ARHGEF1: variants seen among roughly 807,000 people sequenced by gnomAD.
ARHGEF1 encodes Rho guanine nucleotide exchange factor 1, also known as 115 kDa guanine nucleotide exchange factor.
Under a neutral mutation model 119.7 loss-of-function variants are expected in ARHGEF1, and 40 were observed. That is an observed-to-expected ratio of 0.33 (90% CI 0.26 to 0.44). The LOEUF is 0.44. Ranked by LOEUF, ARHGEF1 falls within the 20% of genes least tolerant of loss-of-function variation. The pLI is 1.00. For synonymous variants in ARHGEF1, 494 were observed against 521.0 expected, an observed-to-expected ratio of 0.95 and a Z score of 0.71; for missense variants, 976 against 1,268.3, an observed-to-expected ratio of 0.77 and a Z score of 3.50.
In ARHGEF1 at chr19:41,906,269, C is replaced by A; in HGVS notation, c.2492-188C>A. The A allele has an allele frequency of 1.5e-6, 1 of 675,676 alleles. No individual in the cohort carries two copies. Among genetic ancestry groups the A allele is most frequent in the Non-Finnish European group, 2.5e-6 (1 of 394,340 alleles). The allele number at this position is 675,676 out of a possible 1,614,324, so 41.9% of individuals were successfully genotyped here. On this transcript the variant is annotated intron_variant, in intron 26 of 28. Transcript: ENST00000354532. This position sits in a 1 kb window ranked among gnomAD's most constrained non-coding sequence, Gnocchi z 4.5. The stretch of plus-strand genomic sequence containing the variant: ...CATCTCTGTCTTCAGTACCTTCCTG[C>A]CCTGTCCCAACCCTAAACCCAGCCT...
intron 1 of ARHGEF1, 133 bp from the exon 2 acceptor site, chr19:41,887,931 C>T: frequency 2.0e-6 from 2 of 1,016,312 alleles, no homozygotes; most frequent in Non-Finnish European, 2.8e-6. Context: ...CACACAGAGG[C>T]CCCATTGAGC....
chr19:41,926,147 C>T (rs993762181), intron 1 of ARHGEF1, among the ~76,000 whole-genome samples: 2 of 151,774 alleles, frequency 1.3e-5, no homozygotes, highest in East Asian at 1.9e-4. Flanking sequence ...AGATAAAATG[C>T]AGGGATTCCA....
intron 18 of ARHGEF1, chr19:41,913,011 G>T: frequency 1.7e-6 from 1 of 591,936 alleles, no homozygotes; most frequent in Non-Finnish European, 2.5e-6. Context: ...GGCGCTGCCC[G>T]GGGCCTTCCC....
chr19:41,925,649 C>T (rs1467282126), intron 1 of ARHGEF1, among the ~76,000 whole-genome samples: 1 of 151,994 alleles, frequency 6.6e-6, no homozygotes, highest in Non-Finnish European at 1.5e-5. Flanking sequence ...GGTTAGGACA[C>T]AGGTGGGGAA....
Position 41,903,870 on chromosome 19 carries a change from A to G in ARHGEF1, c.1917+86A>G. The G allele has an allele frequency of 2.1e-6, 3 of 1,437,310 alleles. No individual in the cohort carries two copies. The highest frequency in any genetic ancestry group is 9.7e-7 in the Non-Finnish European group (1 of 1,033,106). The allele number at this position is 1,437,310 out of a possible 1,614,324, so 89.0% of individuals were successfully genotyped here. On this transcript the variant is annotated intron_variant, in intron 20 of 28. Transcript: ENST00000354532. The surrounding 1 kb of genome is among the most constrained non-coding windows in gnomAD (Gnocchi z 4.2). The stretch of plus-strand genomic sequence containing the variant: ...ATACAGCCCCCAGCCTGTCCTGCCC[A>G]TCCCATAATACACCCAGGAAGCGAG...
chr19:41,890,759 G>A (rs1263694113), intron 4 of ARHGEF1: 4 of 147,688 alleles, frequency 2.7e-5, no homozygotes, highest in African/African-American at 7.7e-5. Flanking sequence ...CAGCCTAGGC[G>A]GAAAAAAAAA....
chr19:41,908,715 C>G, downstream of ARHGEF1: 1 of 1,134,050 alleles, frequency 8.8e-7, no homozygotes. This position sits in a 1 kb window ranked among gnomAD's most constrained non-coding sequence, Gnocchi z 6.7. Flanking sequence ...GGGCACCTGC[C>G]TGCCTGGGGA....
chr19:41,885,330 G>A (rs1044997334), intron 1 of ARHGEF1, among the ~76,000 whole-genome samples: 1 of 152,164 alleles, frequency 6.6e-6, no homozygotes, highest in African/African-American at 2.4e-5. Flanking sequence ...CCACATACCC[G>A]TGACTTTTCC....
upstream of ARHGEF1, among the ~76,000 whole-genome samples, chr19:41,922,518 G>C (rs575946671): frequency 8.9e-4 from 135 of 152,274 alleles, no homozygotes; most frequent in African/African-American, 3.2e-3. Context: ...TCCAGGGTTA[G>C]AGAAAAGGAG....
In ARHGEF1 at chr19:41,888,262, A is replaced by C. The variant is rs2123371829; in HGVS notation, c.95A>C (p.Glu32Ala). 6.2e-7 allele frequency: 1 copy of C among 1,613,892 alleles called. No individual in the cohort carries two copies. The highest frequency in any genetic ancestry group is 2.2e-5 in the East Asian group (1 of 44,846). The change falls in exon 3 of 29, where the codon GAG (glutamate) becomes GCG (alanine). Residue 32 changes from glutamate (E) to alanine (A), a missense_variant. Glu to Ala is a moderately radical substitution (Grantham distance 107). Around this residue, in one of 3 missense-constraint regions of ARHGEF1, gnomAD observed 519 missense variants for 580.9 expected, o/e 0.89. Transcript: ENST00000354532. This position sits in a 1 kb window ranked among gnomAD's most constrained non-coding sequence, Gnocchi z 5.1. ...ATCGGGGCTGAGGATGAGGATTTTG[A>C]GAACGAGCTGGAGACAGTGAGTGGG... The part of the protein sequence containing the change: ...SIIGAEDEDF[E>A]NELETNSEEQ...
At chr19:41,898,033 G>T in intron 13 of ARHGEF1, 1 of 1,340,750 alleles carries the variant, frequency 7.5e-7, no homozygotes, top group Non-Finnish European at 9.5e-7. Context: ...CTAAGGGCCG[G>T]GGTGGGGGCC....
intron 13 of ARHGEF1, chr19:41,898,046 TC>T: frequency 7.5e-7 from 1 of 1,340,506 alleles, no homozygotes; most frequent in Non-Finnish European, 9.5e-7. Flanking sequence ...TGGGGGCCGC[TC>T]CCGGAGCGAC....
chr19:41,898,131 C>CGGTG, intron 13 of ARHGEF1: 1 of 1,396,698 alleles, frequency 7.2e-7, no homozygotes, highest in Non-Finnish European at 9.2e-7. Flanking sequence ...AACCCTCTCC[C>CGGTG]TTCCCCCATC....
intron 13 of ARHGEF1, chr19:41,896,992 C>A: frequency 2.3e-6 from 1 of 431,000 alleles, no homozygotes; most frequent in Non-Finnish European, 4.6e-6. Flanking sequence ...CCTCTCTCAC[C>A]TGGGTTTTCT....
upstream of ARHGEF1, among the ~76,000 whole-genome samples, chr19:41,918,673 G>GACACACCACACACACCACATATCCGCC (rs1555852148): frequency 4.4e-5 from 5 of 112,834 alleles, no homozygotes; most frequent in African/African-American, 1.8e-4. Context: ...ACCCATCACA[G>GACACACCACACACACCACATATCCGCC]ACACACCACA....
At position 41,888,927 on chromosome 19, in the gene ARHGEF1, G is replaced by A. The variant is rs368033698; in HGVS notation, c.225+62G>A. 167 of 1,426,644 alleles carry A rather than the reference G, an allele frequency of 1.2e-4. 2 individuals carry two copies. In the South Asian group the frequency reaches 1.8e-3, roughly 15 times the overall value. 88.4% of individuals were successfully genotyped at this position (1,426,644 alleles called of 1,614,324 possible). A position where few individuals can be genotyped will look rare whatever the true frequency, so the allele number is the denominator to read the frequency against. ...GGCTGGGACAGGCACAGCTTTTAGC[G>A]AATTAAACCAGCGAGCTAGTGCCTG... On this transcript the variant is annotated intron_variant, in intron 4 of 28. Coordinates refer to ENST00000354532, the MANE Select transcript of ARHGEF1 (RefSeq NM_004706.4). This position sits in a 1 kb window ranked among gnomAD's most constrained non-coding sequence, Gnocchi z 5.1.
chr19:41,912,980 C>T (rs2074762817), intron 18 of ARHGEF1: 3 of 891,902 alleles, frequency 3.4e-6, no homozygotes, highest in Admixed American at 4.3e-5. Context: ...GCAGGAGAGA[C>T]AGACACAGGT....
At chr19:41,887,374 G>A (rs1430012158) in intron 1 of ARHGEF1, among the ~76,000 whole-genome samples, 3 of 152,152 alleles carry the variant, frequency 2.0e-5, no homozygotes, top group East Asian at 1.9e-4. Flanking sequence ...GGGGACAGAC[G>A]CACCTTGGAG....
rs961016772 is a variant in ARHGEF1 at position 41,889,038 on chromosome 19, C to T, written c.225+173C>T. 6.5e-6 allele frequency: 4 copies of T among 612,928 alleles called. No homozygotes were observed. The highest frequency in any genetic ancestry group is 4.0e-5 in the South Asian group (2 of 50,228). 38.0% of individuals were successfully genotyped at this position (612,928 alleles called of 1,614,324 possible). A position where few individuals can be genotyped will look rare whatever the true frequency, so the allele number is the denominator to read the frequency against. ...TAGACAAGAGCCAGAAAGCATGCCA[C>T]GTGACCTCAACAGGCTTACAAGTGC... On this transcript the variant is annotated intron_variant, in intron 4 of 28. Transcript: ENST00000354532. The surrounding 1 kb of genome is among the most constrained non-coding windows in gnomAD (Gnocchi z 4.0).
Sources: allele counts gnomAD v4.1 joint callset (sites outside exome capture counted in the v4.1 genomes callset), GRCh38; gene constraint gnomAD v4.1.1; regional missense constraint gnomAD v4.1.1; non-coding constraint Gnocchi (gnomAD v3.1); transcripts MANE v1.5; gene names NCBI Gene and HGNC (gene_info 2026-07-23, HGNC 2026-07-21).